The following CCL26 variants were observed in gnomAD, a reference collection of about 807,000 sequenced individuals.
CCL26 encodes the protein C-C motif chemokine 26.
A neutral mutation model predicts 10.7 loss-of-function variants in CCL26; 10 were observed. That is an observed-to-expected ratio of 0.93 (90% CI 0.57 to 1.58). The LOEUF is 1.58. Ranked by LOEUF, CCL26 falls within the 40% of genes most tolerant of loss-of-function variation. CCL26 has a pLI of 0.00. For missense variants in CCL26, 116 were observed against 111.0 expected (o/e 1.05, Z -0.20); for synonymous variants, 43 against 41.4 (o/e 1.04, Z -0.15).
chr7:75,770,069 AT>A (rs10540427), intron 2 of CCL26, among the ~76,000 whole-genome samples: 4,650 of 144,362 alleles, frequency 0.032, 78 homozygotes, highest in Middle Eastern at 0.087. Flanking sequence ...AGGACACTTA[AT>A]TTTTTTTTTT....
At chr7:75,770,820 C>A (rs1018089087) in intron 2 of CCL26, among the ~76,000 whole-genome samples, 2 of 152,060 alleles carry the variant, frequency 1.3e-5, no homozygotes, top group African/African-American at 4.8e-5. Flanking sequence ...GGCTTACAGG[C>A]CTGCGCCACC....
At chr7:75,780,634 C>T (rs1803040553) in intron 1 of CCL26, among the ~76,000 whole-genome samples, 1 of 152,096 alleles carries the variant, frequency 6.6e-6, no homozygotes, top group Non-Finnish European at 1.5e-5. Context: ...CATTCTTTTA[C>T]ACATCAGTCC....
At chr7:75,775,498 CA>C (rs1554528610), upstream of CCL26, among the ~76,000 whole-genome samples, 1 of 152,074 alleles carries the variant, frequency 6.6e-6, no homozygotes, top group African/African-American at 2.4e-5. Context: ...GGCAGCAACG[CA>C]AGGGGAGTTA....
chr7:75,776,110 C>T (rs1209765049), upstream of CCL26, among the ~76,000 whole-genome samples: 69 of 141,978 alleles, frequency 4.9e-4, no homozygotes, highest in African/African-American at 1.7e-3. Context: ...CTCACTCTGT[C>T]GCCCAGGCTG....
chr7:75,777,194 T>C (rs1471308038), upstream of CCL26, among the ~76,000 whole-genome samples: 11 of 152,094 alleles, frequency 7.2e-5, no homozygotes, highest in African/African-American at 2.7e-4. Flanking sequence ...ATTGCACCAC[T>C]GCACTCCAGC....
chr7:75,787,780 C>T (rs1227612033), intron 1 of CCL26, among the ~76,000 whole-genome samples: 5 of 151,696 alleles, frequency 3.3e-5, no homozygotes, highest in African/African-American at 7.2e-5. Flanking sequence ...TTACACTAAA[C>T]CCCCTTGGAC....
chr7:75,780,868 C>A lies in CCL26; in HGVS notation c.-78-8614G>T, dbSNP rs138329656. ...CCCCCACCCTACAATCCTTTTATCACCTCACCTCCTCACACCCCGTCCGGC... is the reference window on the plus strand; with the variant it reads ...CCCCCACCCTACAATCCTTTTATCAACTCACCTCCTCACACCCCGTCCGGC... On this transcript the variant is annotated intron_variant, in intron 1 of 3. Transcript: ENST00000394905. Among the ~76,000 whole-genome samples, 1,043 of 152,226 alleles carry A rather than the reference C, an allele frequency of 6.9e-3. 12 individuals are homozygous for A. Among genetic ancestry groups the A allele is most frequent in the African/African-American group, 0.024 (982 of 41,524 alleles).
At chr7:75,778,020 G>A (rs1017988736) in intron 1 of CCL26, among the ~76,000 whole-genome samples, 7 of 151,994 alleles carry the variant, frequency 4.6e-5, no homozygotes, top group South Asian at 2.1e-4. Context: ...AACCCCAGCC[G>A]ACATATTTAT....
chr7:75,784,308 T>C (rs1585015098), intron 1 of CCL26, among the ~76,000 whole-genome samples: 1 of 152,152 alleles, frequency 6.6e-6, no homozygotes, highest in Non-Finnish European at 1.5e-5. Flanking sequence ...AATGTCCAAC[T>C]CGCCCAGCAG....
At chr7:75,773,531 A>G (rs1585009755), upstream of CCL26, among the ~76,000 whole-genome samples, 2 of 152,150 alleles carry the variant, frequency 1.3e-5, no homozygotes. Flanking sequence ...TTGGGATTAC[A>G]GTGAGCCACC....
intron 1 of CCL26, among the ~76,000 whole-genome samples, chr7:75,784,744 C>T (rs1803145346): frequency 6.6e-6 from 1 of 151,970 alleles, no homozygotes; most frequent in Admixed American, 6.6e-5. Flanking sequence ...ACAGCCACAC[C>T]TCATTGCCAC....
intron 1 of CCL26, among the ~76,000 whole-genome samples, chr7:75,778,213 G>C (rs1042540395): frequency 2.0e-5 from 3 of 151,774 alleles, no homozygotes; most frequent in Non-Finnish European, 4.4e-5. Flanking sequence ...CTTATCATTT[G>C]TCCTTTTTAA....
intron 1 of CCL26, among the ~76,000 whole-genome samples, chr7:75,787,472 G>T (rs1419690149): frequency 6.6e-6 from 1 of 151,524 alleles, no homozygotes; most frequent in African/African-American, 2.4e-5. Flanking sequence ...GTGAAACCCC[G>T]TCTGTACTAA....
chr7:75,777,436 C>T (rs186712339), intron 1 of CCL26, among the ~76,000 whole-genome samples: 1 of 152,100 alleles, frequency 6.6e-6, no homozygotes, highest in Admixed American at 6.6e-5. Context: ...CAACTCACAA[C>T]CTAATGCTGA....
Position 75,785,705 on chromosome 7 carries a change from C to T in CCL26, c.-79+4012G>A, listed in dbSNP as rs574818423. ...CTTTACATAAACTCACAAAAGGAAA[C>T]CTAGCTGACCCTATCGATCCTAAAT... On this transcript the variant is annotated intron_variant, in intron 1 of 3. Transcript: ENST00000394905. 2.5e-3 allele frequency among the ~76,000 whole-genome samples: 386 copies of T among 152,286 alleles called. 2 individuals carry two copies. Among genetic ancestry groups the T allele is most frequent in the African/African-American group, 8.5e-3 (353 of 41,566 alleles).
upstream of CCL26, among the ~76,000 whole-genome samples, chr7:75,790,323 CCCTGCAACCTCAAGAT>C (rs1449329135): frequency 6.8e-6 from 1 of 146,076 alleles, no homozygotes; most frequent in East Asian, 2.3e-4. Flanking sequence ...AATCATAGCT[CCCTGCAACCTCAAGAT>C]CCTGGGCTCA....
intron 1 of CCL26, among the ~76,000 whole-genome samples, chr7:75,778,850 G>A (rs561389538): frequency 1.3e-4 from 19 of 151,936 alleles, no homozygotes; most frequent in South Asian, 2.1e-4. Flanking sequence ...GGCCAAGGTG[G>A]GGGGGGCAGA....
chr7:75,783,336 G>T (rs981787102), intron 1 of CCL26, among the ~76,000 whole-genome samples: 1 of 152,054 alleles, frequency 6.6e-6, no homozygotes, highest in Non-Finnish European at 1.5e-5. Flanking sequence ...GATAACCGCC[G>T]GCTTCACGAG....
intron 1 of CCL26, among the ~76,000 whole-genome samples, chr7:75,785,330 C>T (rs1355505907): frequency 6.6e-6 from 1 of 152,108 alleles, no homozygotes; most frequent in African/African-American, 2.4e-5. Flanking sequence ...CAAGCTCTTT[C>T]CCATGATTTA....
Sources: gnomAD v4.1 joint callset for allele counts (sites outside exome capture counted in the v4.1 genomes callset) on GRCh38, gnomAD v4.1.1 for gene constraint, MANE v1.5 for transcripts, NCBI Gene and HGNC (gene_info 2026-07-23, HGNC 2026-07-21) for gene names.